The following TMEM271 variants were observed in gnomAD, a reference collection of about 807,000 sequenced individuals.
TMEM271 encodes the protein transmembrane protein 271.
In TMEM271 at chr4:575,097, C is replaced by A. The variant is rs1732406984; in HGVS notation, c.966G>T (p.Ala322=). The A allele has an allele frequency of 1.5e-5, 6 of 396,274 alleles. No homozygotes were observed. The highest frequency in any genetic ancestry group is 2.1e-5 in the African/African-American group (1 of 48,558). 24.5% of individuals were successfully genotyped at this position (396,274 alleles called of 1,614,324 possible). Residue 322 remains alanine, a synonymous_variant, in exon 1 of 1, where the codon GCG becomes GCT. Coordinates refer to ENST00000610212, the MANE Select transcript of TMEM271 (RefSeq NM_001362796.2). ...GDCAGFAAHH[A]VSYINVGVLH... ...GGACGCCTACGTTGATGTAGGAGACCGCGTGGTGCGCCGCGAAGCCCGCGC... is the reference window on the plus strand; with the variant it reads ...GGACGCCTACGTTGATGTAGGAGACAGCGTGGTGCGCCGCGAAGCCCGCGC...
In TMEM271 at chr4:574,993, G is replaced by A. The variant is rs1396045109; in HGVS notation, c.1070C>T (p.Ser357Leu). 3 of 397,024 alleles carry A rather than the reference G, an allele frequency of 7.6e-6. No individual in the cohort carries two copies. Among genetic ancestry groups the A allele is most frequent in the Admixed American group, 8.8e-5 (2 of 22,660 alleles). The allele number at this position is 397,024 out of a possible 1,614,324, so 24.6% of individuals were successfully genotyped here. A position where few individuals can be genotyped will look rare whatever the true frequency, so the allele number is the denominator to read the frequency against. ...GTAGGAGGCGTTGAGGTCGGGGTCC[G>A]AGGGCGCGTACCCCGGCAGCTCCAC... is the stretch of plus-strand genomic sequence containing the variant. ...PSVELPGYAP[S>L]DPDLNASYPY... The change falls in exon 1 of 1, where the codon TCG (serine) becomes TTG (leucine). Residue 357 changes from serine (S) to leucine (L), a missense_variant. Coordinates refer to ENST00000610212, the MANE Select transcript of TMEM271 (RefSeq NM_001362796.2).
In TMEM271 at chr4:574,820, T is replaced by G; in HGVS notation, c.*85A>C. ...GCCCTGGACCCCGCCCCGCTGCCCG[T>G]CCTCCCTTGCCGCGGGGGTCCTGAG... On this transcript the variant is annotated 3_prime_UTR_variant, in exon 1 of 1. Coordinates refer to ENST00000610212, the MANE Select transcript of TMEM271 (RefSeq NM_001362796.2). The G allele has an allele frequency of 5.1e-6, 2 of 393,418 alleles. No individual in the cohort carries two copies. Among genetic ancestry groups the G allele is most frequent in the Non-Finnish European group, 4.5e-6 (1 of 222,866 alleles). 24.4% of individuals were successfully genotyped at this position (393,418 alleles called of 1,614,324 possible). A position where few individuals can be genotyped will look rare whatever the true frequency, so the allele number is the denominator to read the frequency against.
chr4:576,244 G>A lies in TMEM271; in HGVS notation c.-182C>T. 1 of 150,224 alleles carries A rather than the reference G, an allele frequency of 6.7e-6. No homozygotes were observed. Among genetic ancestry groups the A allele is most frequent in the Non-Finnish European group, 1.4e-5 (1 of 71,028 alleles). 9.3% of individuals were successfully genotyped at this position (150,224 alleles called of 1,614,324 possible). On this transcript the variant is annotated 5_prime_UTR_variant, in exon 1 of 1. Coordinates refer to ENST00000610212, the MANE Select transcript of TMEM271 (RefSeq NM_001362796.2). ...GCATCCTCCGCCTCCCGCCGCCGCC[G>A]CCGCCGCCGCCGCCGCCGCGACCCC...
At position 575,148 on chromosome 4, in the gene TMEM271, C is replaced by T. The variant is rs1577196462; in HGVS notation, c.915G>A (p.Glu305=). 2.5e-6 allele frequency: 1 copy of T among 393,092 alleles called. No homozygotes were observed. Among genetic ancestry groups the T allele is most frequent in the Non-Finnish European group, 4.5e-6 (1 of 223,082 alleles). 24.4% of individuals were successfully genotyped at this position (393,092 alleles called of 1,614,324 possible). A position where few individuals can be genotyped will look rare whatever the true frequency, so the allele number is the denominator to read the frequency against. Residue 305 remains glutamate (E), a synonymous_variant, in exon 1 of 1, where the codon GAG becomes GAA. Transcript: ENST00000610212. ...AGTCCCCGGGGGCGGCCAGGTCCGA[C>T]TCCTCCGGGGACAGGATGGAGGCCT... is the stretch of plus-strand genomic sequence containing the variant. The part of the protein sequence containing the change: ...PSEASILSPE[E]SDLAAPGDCA...
At position 575,035 on chromosome 4, in the gene TMEM271, C is replaced by G. The variant is rs1467654904; in HGVS notation, c.1028G>C (p.Cys343Ser). The part of the protein sequence containing the change: ...ALDEAGAEVR[C>S]GGHPSVELPG... ...CAGCTCCACCGACGGGTGCCCCCCGCAGCGCACCTCCGCGCCCGCCTCGTC... is the reference window on the plus strand; with the variant it reads ...CAGCTCCACCGACGGGTGCCCCCCGGAGCGCACCTCCGCGCCCGCCTCGTC... The change falls in exon 1 of 1, where the codon TGC becomes TCC. Residue 343 changes from cysteine (C) to serine (S), a missense_variant. Coordinates refer to ENST00000610212, the MANE Select transcript of TMEM271 (RefSeq NM_001362796.2). 2.5e-6 allele frequency: 1 copy of G among 397,066 alleles called. No individual in the cohort carries two copies. The highest frequency in any genetic ancestry group is 4.4e-6 in the Non-Finnish European group (1 of 225,088). The allele number at this position is 397,066 out of a possible 1,614,324, so 24.6% of individuals were successfully genotyped here.
Position 574,647 on chromosome 4 carries a change from A to T in TMEM271, c.*258T>A. The stretch of plus-strand genomic sequence containing the variant: ...TATTGTAAACTTGAAAATGGAATCC[A>T]GATATGAACGACACAAATAAGAAGA... On this transcript the variant is annotated 3_prime_UTR_variant, in exon 1 of 1. Coordinates refer to ENST00000610212, the MANE Select transcript of TMEM271 (RefSeq NM_001362796.2). 5.4e-6 allele frequency: 2 copies of T among 369,548 alleles called. No individual in the cohort carries two copies. Among genetic ancestry groups the T allele is most frequent in the Non-Finnish European group, 9.6e-6 (2 of 207,718 alleles). The allele number at this position is 369,548 out of a possible 1,614,324, so 22.9% of individuals were successfully genotyped here.
Position 575,806 on chromosome 4 carries a change from G to A in TMEM271, c.257C>T (p.Pro86Leu), listed in dbSNP as rs1732424333. The A allele has an allele frequency of 2.8e-6, 1 of 362,058 alleles. No homozygotes were observed. The highest frequency in any genetic ancestry group is 4.7e-5 in the Admixed American group (1 of 21,288). The allele number at this position is 362,058 out of a possible 1,614,324, so 22.4% of individuals were successfully genotyped here. ...CGGCGCCGCGGGGACCCCCAAACCCGGGCCCGGTTCCGACCCCGCGAGGGG... is the reference window on the plus strand; with the variant it reads ...CGGCGCCGCGGGGACCCCCAAACCCAGGCCCGGTTCCGACCCCGCGAGGGG... Reference protein sequence around the residue: ...DAPLAGSEPGPGLGVPAAPAG... With the variant: ...DAPLAGSEPGLGLGVPAAPAG... Residue 86 changes from proline (P) to leucine (L), a missense_variant, in exon 1 of 1, where the codon CCG becomes CTG. Transcript: ENST00000610212.
chr4:574,937 G>A lies in TMEM271; in HGVS notation c.1126C>T (p.Pro376Ser). The A allele has an allele frequency of 2.5e-6, 1 of 396,876 alleles. No homozygotes were observed. Among genetic ancestry groups the A allele is most frequent in the Non-Finnish European group, 4.4e-6 (1 of 224,910 alleles). 24.6% of individuals were successfully genotyped at this position (396,876 alleles called of 1,614,324 possible). Residue 376 changes from proline to serine, a missense_variant, in exon 1 of 1, where the codon CCG (proline) becomes TCG (serine). Physicochemically the swap from Pro to Ser is moderately conservative, Grantham distance 74. Transcript: ENST00000610212. ...PYCCRPPCETPRPWETHRAC is the reference protein window; with the variant it reads ...PYCCRPPCETSRPWETHRAC ...GCCCGATGGGTCTCCCAGGGCCGCG[G>A]CGTCTCGCAGGGCGGCCGGCAGCAG...
chr4:574,726 G>C lies in TMEM271; in HGVS notation c.*179C>G. On this transcript the variant is annotated 3_prime_UTR_variant, in exon 1 of 1. Transcript: ENST00000610212. ...ATCAGGGGCCCCCTCCTGTGGTCAC[G>C]GAGCCCGCAGAGGGGGCCAGGCCGG... 1 of 391,288 alleles carries C rather than the reference G, an allele frequency of 2.6e-6. No individual in the cohort carries two copies. Among genetic ancestry groups the C allele is most frequent in the African/African-American group, 2.1e-5 (1 of 48,442 alleles). The allele number at this position is 391,288 out of a possible 1,614,324, so 24.2% of individuals were successfully genotyped here. A position where few individuals can be genotyped will look rare whatever the true frequency, so the allele number is the denominator to read the frequency against.
Position 575,504 on chromosome 4 carries a change from G to A in TMEM271, c.559C>T (p.Pro187Ser). Residue 187 changes from proline (P) to serine (S), a missense_variant, in exon 1 of 1, where the codon CCG becomes TCG. Pro to Ser is a moderately conservative substitution (Grantham distance 74, BLOSUM62 -1). Transcript: ENST00000610212. Reference sequence around the variant, plus strand: ...CGCGGGGCGCCGGGGGCCGAGCCCGGCGCCGAGCCGGGGGCCGAGCCCGGG... The same window carrying A: ...CGCGGGGCGCCGGGGGCCGAGCCCGACGCCGAGCCGGGGGCCGAGCCCGGG... ...SAPGSAPGSA[P>S]GSAPGAPRAR... The A allele has an allele frequency of 3.4e-6, 1 of 298,010 alleles. No homozygotes were observed. 18.5% of individuals were successfully genotyped at this position (298,010 alleles called of 1,614,324 possible). A position where few individuals can be genotyped will look rare whatever the true frequency, so the allele number is the denominator to read the frequency against.
In TMEM271 at chr4:575,851, C is replaced by A. The variant is rs1229101365; in HGVS notation, c.212G>T (p.Cys71Phe). The A allele has an allele frequency of 2.7e-6, 1 of 367,928 alleles. No homozygotes were observed. The highest frequency in any genetic ancestry group is 4.8e-6 in the Non-Finnish European group (1 of 206,532). The allele number at this position is 367,928 out of a possible 1,614,324, so 22.8% of individuals were successfully genotyped here. A position where few individuals can be genotyped will look rare whatever the true frequency, so the allele number is the denominator to read the frequency against. ...GLSLLGAALLCCGPRDAPLAG... is the reference protein window; with the variant it reads ...GLSLLGAALLFCGPRDAPLAG... Reference sequence around the variant, plus strand: ...GAGGGGCGCGTCCCGGGGTCCGCAGCAGAGCAGGGCGGCGCCGAGCAGTGA... The same window carrying A: ...GAGGGGCGCGTCCCGGGGTCCGCAGAAGAGCAGGGCGGCGCCGAGCAGTGA... The change falls in exon 1 of 1, where the codon TGC (cysteine) becomes TTC (phenylalanine). Residue 71 changes from cysteine (C) to phenylalanine (F), a missense_variant. Coordinates refer to ENST00000610212, the MANE Select transcript of TMEM271 (RefSeq NM_001362796.2).
In TMEM271 at chr4:575,241, C is replaced by T. The variant is rs550206332; in HGVS notation, c.822G>A (p.Pro274=). 1,338 of 164,214 alleles carry T rather than the reference C, an allele frequency of 8.1e-3. 23 individuals carry two copies. Among genetic ancestry groups the T allele is most frequent in the African/African-American group, 0.03 (1,240 of 41,212 alleles). 10.2% of individuals were successfully genotyped at this position (164,214 alleles called of 1,614,324 possible). The change falls in exon 1 of 1, where the codon CCG becomes CCA. Residue 274 remains proline, a synonymous_variant. Coordinates refer to ENST00000610212, the MANE Select transcript of TMEM271 (RefSeq NM_001362796.2). ...GGCCCCGGCGCGCCCGAGAGGCGGGCGGCTGCGCGCGGAGCCCGGAGCCGC... is the reference window on the plus strand; with the variant it reads ...GGCCCCGGCGCGCCCGAGAGGCGGGTGGCTGCGCGCGGAGCCCGGAGCCGC... ...PRGGSGLRAQ[P]PASRARRGRR... is the part of the protein sequence containing the mutation.
rs1483193456 is a variant in TMEM271, at chr4:575,748, C to A, written c.315G>T (p.Ser105=). The A allele has an allele frequency of 1.1e-5, 4 of 357,774 alleles. No homozygotes were observed. The highest frequency in any genetic ancestry group is 8.6e-5 in the African/African-American group (4 of 46,678). 22.2% of individuals were successfully genotyped at this position (357,774 alleles called of 1,614,324 possible). A position where few individuals can be genotyped will look rare whatever the true frequency, so the allele number is the denominator to read the frequency against. The part of the protein sequence containing the change: ...AGAPEATPGE[S]GAAAGAPGPV... ...GCCCCGGGGCCCCGGCCGCGGCCCCCGACTCGCCCGGCGTGGCCTCGGGAG... is the reference window on the plus strand; with the variant it reads ...GCCCCGGGGCCCCGGCCGCGGCCCCAGACTCGCCCGGCGTGGCCTCGGGAG... The change falls in exon 1 of 1, where the codon TCG becomes TCT. Residue 105 remains serine (S), a synonymous_variant. Transcript: ENST00000610212.
rs1249146887 is a variant in TMEM271, at chr4:574,767, G to C, written c.*138C>G. On this transcript the variant is annotated 3_prime_UTR_variant, in exon 1 of 1. Transcript: ENST00000610212. ...GCCAGGCCGGAGGCTGCAAAGCCAC[G>C]TGGAAGAGGCGGCGCCCCTGAGGCC... The C allele has an allele frequency of 7.7e-6, 3 of 391,960 alleles. No individual in the cohort carries two copies. The highest frequency in any genetic ancestry group is 1.3e-5 in the Non-Finnish European group (3 of 222,248). 24.3% of individuals were successfully genotyped at this position (391,960 alleles called of 1,614,324 possible).
chr4:575,684 C>T lies in TMEM271; in HGVS notation c.379G>A (p.Val127Ile), dbSNP rs1296666125. The T allele has an allele frequency of 5.6e-6, 2 of 360,102 alleles. No individual in the cohort carries two copies. Among genetic ancestry groups the T allele is most frequent in the Non-Finnish European group, 1.0e-5 (2 of 200,862 alleles). The allele number at this position is 360,102 out of a possible 1,614,324, so 22.3% of individuals were successfully genotyped here. The change falls in exon 1 of 1, where the codon GTC (valine) becomes ATC (isoleucine). Residue 127 changes from valine to isoleucine, a missense_variant. Transcript: ENST00000610212. ...SQNLLLLGVL[V>I]FMLGVLSAFA... ...GCGCTGAGGACCCCGAGCATGAAGA[C>T]CAGGACGCCGAGCAGAAGCAGGTTC...
rs539919198 is a variant in TMEM271, at chr4:575,544, T to C, written c.519A>G (p.Ser173=). Residue 173 remains serine, a synonymous_variant, in exon 1 of 1, where the codon TCA becomes TCG. Coordinates refer to ENST00000610212, the MANE Select transcript of TMEM271 (RefSeq NM_001362796.2). ...CCGAGCCCGGGGCCGAGCCGGGGGT[T>C]GAGCCCGGGGCCGAGCCGGGGCTCG... The part of the protein sequence containing the change: ...PGSSPGSAPG[S]TPGSAPGSAP... The C allele has an allele frequency of 3.3e-4, 103 of 316,612 alleles. No homozygotes were observed. Among genetic ancestry groups the C allele is most frequent in the Admixed American group, 6.7e-4 (13 of 19,304 alleles). The allele number at this position is 316,612 out of a possible 1,614,324, so 19.6% of individuals were successfully genotyped here.
Position 575,395 on chromosome 4 carries a change from A to G in TMEM271, c.668T>C (p.Val223Ala). 3.5e-6 allele frequency: 1 copy of G among 282,064 alleles called. No homozygotes were observed. Among genetic ancestry groups the G allele is most frequent in the Non-Finnish European group, 6.6e-6 (1 of 150,856 alleles). 17.5% of individuals were successfully genotyped at this position (282,064 alleles called of 1,614,324 possible). A position where few individuals can be genotyped will look rare whatever the true frequency, so the allele number is the denominator to read the frequency against. The part of the protein sequence containing the change: ...DYQRGLVLST[V>A]FNSLECLLGL... ...CAGCAGGCACTCAAGCGAGTTGAAG[A>G]CGGTGGAGAGCACCAGGCCGCGCTG... Residue 223 changes from valine (V) to alanine (A), a missense_variant, in exon 1 of 1, where the codon GTC becomes GCC. Val to Ala is a moderately conservative substitution (Grantham distance 64, BLOSUM62 0). Coordinates refer to ENST00000610212, the MANE Select transcript of TMEM271 (RefSeq NM_001362796.2).
rs1443925198 is a variant in TMEM271, at chr4:575,821, C to T, written c.242G>A (p.Gly81Glu). Residue 81 changes from glycine (G) to glutamate (E), a missense_variant, in exon 1 of 1, where the codon GGG becomes GAG. By Grantham distance (98) the Gly-to-Glu change is moderately conservative (BLOSUM62 -2). Coordinates refer to ENST00000610212, the MANE Select transcript of TMEM271 (RefSeq NM_001362796.2). ...CCGPRDAPLAGSEPGPGLGVP... is the reference protein window; with the variant it reads ...CCGPRDAPLAESEPGPGLGVP... ...CCCCAAACCCGGGCCCGGTTCCGACCCCGCGAGGGGCGCGTCCCGGGGTCC... is the reference window on the plus strand; with the variant it reads ...CCCCAAACCCGGGCCCGGTTCCGACTCCGCGAGGGGCGCGTCCCGGGGTCC... The T allele has an allele frequency of 2.7e-6, 1 of 364,896 alleles. No homozygotes were observed. The highest frequency in any genetic ancestry group is 4.0e-5 in the East Asian group (1 of 25,288). 22.6% of individuals were successfully genotyped at this position (364,896 alleles called of 1,614,324 possible). A position where few individuals can be genotyped will look rare whatever the true frequency, so the allele number is the denominator to read the frequency against.
At position 575,453 on chromosome 4, in the gene TMEM271, T is replaced by C; in HGVS notation, c.610A>G (p.Thr204Ala). The change falls in exon 1 of 1, where the codon ACG becomes GCG. Residue 204 changes from threonine (T) to alanine (A), a missense_variant. Coordinates refer to ENST00000610212, the MANE Select transcript of TMEM271 (RefSeq NM_001362796.2). ...TTCAGCTGGCGGCACTTGGCGGACG[T>C]GGCGCTGTCCAGGGTGCTGCGAGCG... ...PRARSTLDSA[T>A]SAKCRQLKDY... The C allele has an allele frequency of 3.7e-6, 1 of 267,410 alleles. No homozygotes were observed. Among genetic ancestry groups the C allele is most frequent in the Non-Finnish European group, 7.0e-6 (1 of 142,346 alleles). The allele number at this position is 267,410 out of a possible 1,614,324, so 16.6% of individuals were successfully genotyped here.
Sources: allele counts gnomAD v4.1 joint callset, GRCh38; gene constraint gnomAD v4.1.1; transcripts MANE v1.5; gene names NCBI Gene and HGNC (gene_info 2026-07-23, HGNC 2026-07-21).